GPAM: variants seen among roughly 807,000 people sequenced by gnomAD.
GPAM encodes glycerol-3-phosphate acyltransferase 1, mitochondrial.
A neutral mutation model predicts 105.0 loss-of-function variants in GPAM; 56 were observed. The observed-to-expected ratio is 0.53, with a 90% CI of 0.43 to 0.67. The LOEUF is 0.67. Among genes scored for constraint, GPAM ranks in the 30% least tolerant of loss-of-function variants. The probability of loss-of-function intolerance (pLI) is 0.00; values close to 1 mark genes in which losing one functional copy is unlikely to be tolerated. For synonymous variants in GPAM, 368 were observed against 354.4 expected (o/e 1.04, Z -0.43); for missense variants, 855 against 989.8 (o/e 0.86, Z 1.83).
intron 9 of GPAM, among the ~76,000 whole-genome samples, chr10:112,170,809 A>C (rs1319562971): frequency 2.0e-5 from 3 of 152,178 alleles, no homozygotes; most frequent in Non-Finnish European, 4.4e-5. Context: ...CAAGGACTAT[A>C]TATTTTGTTC....
In GPAM at chr10:112,163,726, T is replaced by C. The variant is rs1031257523; in HGVS notation, c.1398A>G (p.Ala466=). The change falls in exon 14 of 22, where the codon GCA becomes GCG. Residue 466 remains alanine, a synonymous_variant. Coordinates refer to ENST00000348367, the MANE Select transcript of GPAM (RefSeq NM_001244949.2). ...TGAATAGAATATGCTCAGCCAGATT[T>C]GCAATCAACCTCCTTCGTAGGGATT... ...TDESLRRRLI[A]NLAEHILFTA... is the part of the protein sequence containing the mutation. 1 of 1,564,680 alleles carries C rather than the reference T, an allele frequency of 6.4e-7. No homozygotes were observed. The highest frequency in any genetic ancestry group is 1.4e-5 in the African/African-American group (1 of 73,968).
rs756400500 is a variant in GPAM at position 112,166,480 on chromosome 10, T to C, written c.1143A>G (p.Val381=). ...GTAACATTCTAATAACACCTCTTGCTACACTCCACAGGCTCTCATTCTTCT... is the reference window on the plus strand; with the variant it reads ...GTAACATTCTAATAACACCTCTTGCCACACTCCACAGGCTCTCATTCTTCT... The part of the protein sequence containing the change: ...KPKKNESLWS[V]ARGVIRMLRK... The change falls in exon 12 of 22, where the codon GTA becomes GTG. Residue 381 remains valine, a synonymous_variant. Coordinates refer to ENST00000348367, the MANE Select transcript of GPAM (RefSeq NM_001244949.2). 16 of 1,611,478 alleles carry C rather than the reference T, an allele frequency of 9.9e-6. No homozygotes were observed. The highest frequency in any genetic ancestry group is 3.3e-5 in the Admixed American group (2 of 60,004).
rs1846937171 is a variant in GPAM, at chr10:112,152,483, G to A, written c.*1067C>T. 3.0e-6 allele frequency: 3 copies of A among 984,818 alleles called. No individual in the cohort carries two copies. Among genetic ancestry groups the A allele is most frequent in the Admixed American group, 6.1e-5 (1 of 16,266 alleles). 61.0% of individuals were successfully genotyped at this position (984,818 alleles called of 1,614,324 possible). On this transcript the variant is annotated 3_prime_UTR_variant, in exon 22 of 22. Coordinates refer to ENST00000348367, the MANE Select transcript of GPAM (RefSeq NM_001244949.2). ...TTACCAGTCAGTAGGGCCACCACAT[G>A]CATATACTGGACAGGTTGTGCACGG...
intron 1 of GPAM, among the ~76,000 whole-genome samples, chr10:112,204,904 T>A (rs377457829): frequency 1.9e-5 from 2 of 108,078 alleles, no homozygotes; most frequent in South Asian, 4.1e-4. Context: ...ACATGATTGT[T>A]TATCTAGAAA....
chr10:112,185,582 AC>A (rs1847584966), upstream of GPAM, among the ~76,000 whole-genome samples: 1 of 12,172 alleles, frequency 8.2e-5, no homozygotes, highest in African/African-American at 3.5e-4. Context: ...ACACACACAC[AC>A]ACACACACAC....
upstream of GPAM, among the ~76,000 whole-genome samples, chr10:112,186,728 T>A (rs571320176): frequency 6.6e-5 from 10 of 152,082 alleles, no homozygotes; most frequent in South Asian, 2.1e-3. Context: ...TTTCTGTATG[T>A]TTAGTAGAGT....
intron 1 of GPAM, among the ~76,000 whole-genome samples, chr10:112,195,921 G>A (rs1847718206): frequency 6.6e-6 from 1 of 152,210 alleles, no homozygotes; most frequent in Non-Finnish European, 1.5e-5. Flanking sequence ...GAGCAGGCAT[G>A]CATCTAAGGT....
intron 1 of GPAM, among the ~76,000 whole-genome samples, chr10:112,190,665 G>C (rs1205266199): frequency 6.6e-6 from 1 of 152,160 alleles, no homozygotes; most frequent in African/African-American, 2.4e-5. Flanking sequence ...AGAGATGTTA[G>C]AGGATGACTG....
chr10:112,155,834 T>A, intron 20 of GPAM, 30 bp downstream of exon 20: 2 of 1,392,920 alleles, frequency 1.4e-6, no homozygotes, highest in South Asian at 1.3e-5. Flanking sequence ...AAAAAAAGAT[T>A]TTAAAAGAAT....
chr10:112,158,542 A>C (rs1054338216), intron 17 of GPAM, 149 bp from the exon 18 acceptor site: 2 of 677,022 alleles, frequency 3.0e-6, no homozygotes, highest in Admixed American at 4.2e-5. Context: ...CCCAGTGCCC[A>C]CTGTCTTGAT....
Position 112,151,067 on chromosome 10 carries a change from A to C in GPAM, c.*2483T>G. Reference sequence around the variant, plus strand: ...TCCTCTCTTCTGAATCACTTAGGACATTCTCATTTTCAAAAACAGACTGCA... The same window carrying C: ...TCCTCTCTTCTGAATCACTTAGGACCTTCTCATTTTCAAAAACAGACTGCA... On this transcript the variant is annotated 3_prime_UTR_variant, in exon 22 of 22. Transcript: ENST00000348367. The C allele has an allele frequency of 1.0e-6, 1 of 983,846 alleles. No individual in the cohort carries two copies. 60.9% of individuals were successfully genotyped at this position (983,846 alleles called of 1,614,324 possible).
upstream of GPAM, among the ~76,000 whole-genome samples, chr10:112,186,645 C>G (rs1222973397): frequency 6.6e-6 from 1 of 151,990 alleles, no homozygotes; most frequent in East Asian, 1.9e-4. Flanking sequence ...CTCACAGGTT[C>G]AAGCAATTTT....
chr10:112,200,308 G>A (rs1159680053), intron 1 of GPAM, among the ~76,000 whole-genome samples: 1 of 150,308 alleles, frequency 6.7e-6, no homozygotes, highest in African/African-American at 2.4e-5. Context: ...GATCGTTTTT[G>A]AGACAGAGTC....
intron 17 of GPAM, among the ~76,000 whole-genome samples, chr10:112,158,840 C>T (rs990697455): frequency 1.2e-4 from 18 of 152,278 alleles, no homozygotes; most frequent in African/African-American, 4.1e-4. Context: ...AGAGAAAGGA[C>T]AAGGTCAATC....
intron 1 of GPAM, among the ~76,000 whole-genome samples, chr10:112,198,854 G>T (rs972583120): frequency 6.6e-6 from 1 of 151,986 alleles, no homozygotes; most frequent in Non-Finnish European, 1.5e-5. Flanking sequence ...GAAAAAAGAA[G>T]AAAATCCTGT....
chr10:112,210,596 G>A (rs1213989357), intron 1 of GPAM, among the ~76,000 whole-genome samples: 1 of 152,210 alleles, frequency 6.6e-6, no homozygotes. Context: ...TGCTTCTGGA[G>A]GTCAAGGGGA....
intron 1 of GPAM, among the ~76,000 whole-genome samples, chr10:112,200,231 A>G (rs938395059): frequency 9.6e-5 from 11 of 115,082 alleles, no homozygotes; most frequent in East Asian, 3.0e-4. Flanking sequence ...CTATATGTAT[A>G]TATATATATA....
intron 18 of GPAM, among the ~76,000 whole-genome samples, chr10:112,158,095 T>A (rs1847049655): frequency 6.6e-6 from 1 of 152,124 alleles, no homozygotes; most frequent in Admixed American, 6.5e-5. Flanking sequence ...CATGCCCAGC[T>A]AATTTTTGTA....
chr10:112,168,799 T>A, intron 10 of GPAM, 54 bp downstream of exon 10: 2 of 1,118,948 alleles, frequency 1.8e-6, no homozygotes, highest in Non-Finnish European at 2.7e-6. Context: ...CATTTTTCCT[T>A]CCACTGTGAT....
Sources: gnomAD v4.1 joint callset for allele counts (sites outside exome capture counted in the v4.1 genomes callset) on GRCh38, gnomAD v4.1.1 for gene constraint, MANE v1.5 for transcripts, NCBI Gene and HGNC (gene_info 2026-07-23, HGNC 2026-07-21) for gene names.